IL34: variants seen among roughly 807,000 people sequenced by gnomAD.
IL34 encodes interleukin 34.
A neutral mutation model predicts 25.3 loss-of-function variants in IL34; 17 were observed. That is an observed-to-expected ratio of 0.67 (90% confidence interval 0.46 to 1.01). The LOEUF (loss-of-function observed/expected upper bound fraction) is 1.01. Ranked by LOEUF, IL34 falls within the 50% of genes least tolerant of loss-of-function variation. IL34 has a pLI of 0.00. For missense variants in IL34, 368 were observed against 312.9 expected (o/e 1.18, Z -1.33); for synonymous variants, 174 against 140.9 (o/e 1.23, Z -1.66).
At chr16:70,623,224 GC>G (rs1207364960) in intron 1 of IL34, among the ~76,000 whole-genome samples, 1 of 152,046 alleles carries the variant, frequency 6.6e-6, no homozygotes, top group Non-Finnish European at 1.5e-5. Flanking sequence ...CCAAGTGAAA[GC>G]GAAGAGAGGC....
At chr16:70,641,506 T>G (rs1220940262) in intron 1 of IL34, among the ~76,000 whole-genome samples, 2 of 88,988 alleles carry the variant, frequency 2.2e-5, no homozygotes, top group African/African-American at 2.1e-4. Flanking sequence ...TTTCCCTCCC[T>G]CTCTCCCTCC....
At chr16:70,645,792 G>C (rs1223458850), upstream of IL34, among the ~76,000 whole-genome samples, 1 of 152,166 alleles carries the variant, frequency 6.6e-6, no homozygotes, top group Non-Finnish European at 1.5e-5. Context: ...GGTGGCTCAC[G>C]CCTGTAATCC....
chr16:70,582,860 G>T (rs1484561391), intron 1 of IL34, among the ~76,000 whole-genome samples: 1 of 152,194 alleles, frequency 6.6e-6, no homozygotes, highest in Non-Finnish European at 1.5e-5. Context: ...CTGGGTGCTT[G>T]GGAAATGGCT....
At chr16:70,658,671 A>G (rs1973090) in intron 4 of IL34, among the ~76,000 whole-genome samples, 44,568 of 151,604 alleles carry the variant, frequency 0.29, 6,890 homozygotes, top group South Asian at 0.45. Flanking sequence ...GGGTTCTGCC[A>G]TGTTGGTTAG....
At chr16:70,632,101 CAA>C (rs71151199) in intron 1 of IL34, among the ~76,000 whole-genome samples, 1,305 of 106,678 alleles carry the variant, frequency 0.012, 21 homozygotes, top group African/African-American at 0.043. Context: ...GACCCTGTCT[CAA>C]AAAAAAAAAA....
intron 1 of IL34, among the ~76,000 whole-genome samples, chr16:70,652,059 C>A (rs546389720): frequency 2.0e-5 from 3 of 151,310 alleles, no homozygotes; most frequent in Admixed American, 6.6e-5. Context: ...GCCCAGGAAG[C>A]GGAGGTTGCA....
chr16:70,602,822 G>A (rs2050939125), intron 1 of IL34, among the ~76,000 whole-genome samples: 1 of 152,090 alleles, frequency 6.6e-6, no homozygotes, highest in Admixed American at 6.5e-5. Context: ...CACTAGGTGT[G>A]CACCATGCCC....
At chr16:70,639,196 A>T (rs1408777443) in intron 1 of IL34, among the ~76,000 whole-genome samples, 1 of 152,218 alleles carries the variant, frequency 6.6e-6, no homozygotes, top group Non-Finnish European at 1.5e-5. Flanking sequence ...AGAAATGTAC[A>T]GCCCGGATCC....
chr16:70,646,959 C>T lies in IL34; in HGVS notation c.12C>T (p.Gly4=). Residue 4 remains glycine, a synonymous_variant, in exon 1 of 6, where the codon GGC becomes GGT. Transcript: ENST00000288098. The part of the protein sequence containing the change: MPR[G]FTWLRYLGIF... ...CGAGGAACACCACCATGCCCCGGGGCTTCACCTGGCTGCGCTGTGAGTACT... is the reference window on the plus strand; with the variant it reads ...CGAGGAACACCACCATGCCCCGGGGTTTCACCTGGCTGCGCTGTGAGTACT... 2.0e-6 allele frequency: 3 copies of T among 1,466,236 alleles called. No homozygotes were observed. The allele number at this position is 1,466,236 out of a possible 1,614,324, so 90.8% of individuals were successfully genotyped here. A position where few individuals can be genotyped will look rare whatever the true frequency, so the allele number is the denominator to read the frequency against.
intron 1 of IL34, among the ~76,000 whole-genome samples, chr16:70,592,968 TC>T (rs2050774211): frequency 6.6e-6 from 1 of 152,154 alleles, no homozygotes; most frequent in Non-Finnish European, 1.5e-5. Flanking sequence ...TTTAAATTTT[TC>T]TTAAAAACAC....
At chr16:70,609,603 G>A (rs540752788) in intron 1 of IL34, among the ~76,000 whole-genome samples, 2 of 152,342 alleles carry the variant, frequency 1.3e-5, no homozygotes, top group East Asian at 3.9e-4. Flanking sequence ...AATGCTGGGG[G>A]ATATTAGGGG....
chr16:70,612,767 C>T (rs1437007672), intron 1 of IL34, among the ~76,000 whole-genome samples: 4 of 152,106 alleles, frequency 2.6e-5, no homozygotes, highest in Non-Finnish European at 5.9e-5. Flanking sequence ...CCCATTTCTG[C>T]TTCTCCCAAT....
At chr16:70,647,017 T>C (rs1447757000) in intron 1 of IL34, 42 bp downstream of exon 1, 2 of 1,428,388 alleles carry the variant, frequency 1.4e-6, no homozygotes, top group Non-Finnish European at 9.1e-7. Flanking sequence ...TTGGGAGGCC[T>C]TGGCCTAGAT....
intron 1 of IL34, among the ~76,000 whole-genome samples, chr16:70,618,917 G>A (rs2051218184): frequency 6.6e-6 from 1 of 152,146 alleles, no homozygotes; most frequent in African/African-American, 2.4e-5. Context: ...GAGAGGCTGG[G>A]ATTAACGGTG....
chr16:70,634,107 T>A (rs866426000), intron 1 of IL34, among the ~76,000 whole-genome samples: 1 of 152,000 alleles, frequency 6.6e-6, no homozygotes, highest in East Asian at 1.9e-4. Context: ...CGCCTCGGCC[T>A]CCCAAAATGC....
intron 1 of IL34, among the ~76,000 whole-genome samples, chr16:70,637,861 A>T (rs181684917): frequency 6.6e-6 from 1 of 152,198 alleles, no homozygotes; most frequent in African/African-American, 2.4e-5. Flanking sequence ...ATTTAAAGCA[A>T]TCGGCACATG....
At chr16:70,650,755 C>G (rs890501346) in intron 1 of IL34, among the ~76,000 whole-genome samples, 3 of 152,210 alleles carry the variant, frequency 2.0e-5, no homozygotes, top group Non-Finnish European at 4.4e-5. Context: ...GGTAGACTCT[C>G]TGCATCCTAG....
At chr16:70,591,738 C>A (rs2050757262) in intron 1 of IL34, among the ~76,000 whole-genome samples, 1 of 152,108 alleles carries the variant, frequency 6.6e-6, no homozygotes, top group Non-Finnish European at 1.5e-5. Flanking sequence ...CTTACAGGGC[C>A]CAGCTGGTGA....
intron 1 of IL34, among the ~76,000 whole-genome samples, chr16:70,614,204 G>A (rs1285622099): frequency 4.2e-5 from 6 of 144,046 alleles, no homozygotes; most frequent in African/African-American, 1.5e-4. Flanking sequence ...AAAAAGAAGT[G>A]CAGTATCCCA....
Sources: gnomAD v4.1 joint callset for allele counts (sites outside exome capture counted in the v4.1 genomes callset) on GRCh38, gnomAD v4.1.1 for gene constraint, MANE v1.5 for transcripts, NCBI Gene and HGNC (gene_info 2026-07-23, HGNC 2026-07-21) for gene names.